Variants in PDE6A observed in about 807,000 individuals in gnomAD.
PDE6A encodes the protein rod cGMP-specific 3',5'-cyclic phosphodiesterase subunit alpha.
Under a neutral mutation model 106.3 loss-of-function variants are expected in PDE6A, and 84 were observed. That is an observed-to-expected ratio of 0.79 (90% CI 0.66 to 0.95). The LOEUF is 0.95. PDE6A is among the 40% of genes least tolerant of loss of function. The pLI, the probability that PDE6A is intolerant of heterozygous loss-of-function variation, is 0.00. For missense variants in PDE6A, 1,052 were observed against 1,084.9 expected, an observed-to-expected ratio of 0.97 and a Z score of 0.43; for synonymous variants, 394 against 386.6, an observed-to-expected ratio of 1.02 and a Z score of -0.23.
chr5:149,870,190 G>A (rs1760482053), intron 17 of PDE6A, among the ~76,000 whole-genome samples: 2 of 152,148 alleles, frequency 1.3e-5, no homozygotes, highest in Non-Finnish European at 2.9e-5. Context: ...TTGGGAGGCT[G>A]AGGTGAGGGG....
rs750763552 is a variant in PDE6A, at chr5:149,895,265, A to G, written c.1646T>C (p.Leu549Pro). ...GGTGATCTTGCGGTAGCCCTTACTC[A>G]GGGAGTACATGAACCGCACCAGGGC... is the stretch of plus-strand genomic sequence containing the variant. Reference protein sequence around the residue: ...QEALVRFMYSLSKGYRKITYH... With the variant: ...QEALVRFMYSPSKGYRKITYH... The change falls in exon 13 of 22, where the codon CTG becomes CCG. Residue 549 changes from leucine to proline, a missense_variant. By Grantham distance (98) the Leu-to-Pro change is moderately conservative. Transcript: ENST00000255266. 2 of 1,613,784 alleles carry G rather than the reference A, an allele frequency of 1.2e-6. No homozygotes were observed. The highest frequency in any genetic ancestry group is 1.7e-6 in the Non-Finnish European group (2 of 1,179,664).
chr5:149,900,401 G>GATATATATATATATATATATATATATATA (rs1752932187), intron 8 of PDE6A, among the ~76,000 whole-genome samples: 3 of 116,992 alleles, frequency 2.6e-5, no homozygotes, highest in Non-Finnish European at 3.5e-5. Context: ...ATATATATCC[G>GATATATATATATATATATATATATATATA]TTGGTTCATC....
In PDE6A at chr5:149,925,888, A is replaced by C. The variant is rs138622739; in HGVS notation, c.859-4179T>G. Among the ~76,000 whole-genome samples, 125 of 152,288 alleles carry C rather than the reference A, an allele frequency of 8.2e-4. 1 individual carries two copies. The highest frequency in any genetic ancestry group is 2.9e-3 in the African/African-American group (120 of 41,564). ...AGAGGTCTTTTCATTACCAGATATC[A>C]TGATATTTTATAAACATACTGAAAT... is the stretch of plus-strand genomic sequence containing the variant. On this transcript the variant is annotated intron_variant, in intron 4 of 21. Coordinates refer to ENST00000255266, the MANE Select transcript of PDE6A (RefSeq NM_000440.3).
intron 17 of PDE6A, among the ~76,000 whole-genome samples, chr5:149,872,009 A>G (rs1468781237): frequency 1.3e-5 from 2 of 152,234 alleles, no homozygotes; most frequent in African/African-American, 4.8e-5. Context: ...TAATGCAGAA[A>G]GAAGCAAGAG....
rs1754027844 is a variant in PDE6A at position 149,931,291 on chromosome 5, T to C, written c.718-123A>G. On this transcript the variant is annotated intron_variant, in intron 3 of 21. Coordinates refer to ENST00000255266, the MANE Select transcript of PDE6A (RefSeq NM_000440.3). ...TTATTTCATTTACCCTTCACAATAA[T>C]CCAGAGAAATAGACAGGTTAACTAT... The C allele has an allele frequency of 5.6e-6, 5 of 891,012 alleles. No individual in the cohort carries two copies. In the Admixed American group the frequency reaches 9.7e-5, roughly 17 times the overall value. 55.2% of individuals were successfully genotyped at this position (891,012 alleles called of 1,614,324 possible). A position where few individuals can be genotyped will look rare whatever the true frequency, so the allele number is the denominator to read the frequency against.
chr5:149,936,809 A>G (rs1418617134), intron 1 of PDE6A, among the ~76,000 whole-genome samples: 2 of 152,220 alleles, frequency 1.3e-5, no homozygotes, highest in Non-Finnish European at 2.9e-5. Flanking sequence ...GCACCAACTT[A>G]TATTTATTTT....
In PDE6A at chr5:149,883,478, C is replaced by G. The variant is rs1037192141; in HGVS notation, c.2086G>C (p.Glu696Gln). 1.9e-6 allele frequency: 3 copies of G among 1,613,904 alleles called. No individual in the cohort carries two copies. Among genetic ancestry groups the G allele is most frequent in the Non-Finnish European group, 2.5e-6 (3 of 1,179,838 alleles). Residue 696 changes from glutamate to glutamine, a missense_variant, in exon 17 of 22, where the codon GAG becomes CAG. Around this residue, in one of 3 missense-constraint regions of PDE6A, gnomAD observed 913 missense variants for 915.2 expected, o/e 1.00. Transcript: ENST00000255266. ...DQSKTYESEQ[E>Q]WTQYMMLEQT... is the part of the protein sequence containing the mutation. Reference sequence around the variant, plus strand: ...TCCAGCATCATGTACTGTGTCCACTCCTGTTCACTCTCATATGTCTTAGAC... The same window carrying G: ...TCCAGCATCATGTACTGTGTCCACTGCTGTTCACTCTCATATGTCTTAGAC...
At chr5:149,925,226 G>A (rs192115894) in intron 4 of PDE6A, among the ~76,000 whole-genome samples, 5 of 152,252 alleles carry the variant, frequency 3.3e-5, no homozygotes, top group African/African-American at 1.2e-4. Flanking sequence ...CATAGAAGAT[G>A]CCTATAAATA....
At chr5:149,873,332 C>CT (rs527562371) in intron 17 of PDE6A, among the ~76,000 whole-genome samples, 10,934 of 137,264 alleles carry the variant, frequency 0.08, 513 homozygotes, top group South Asian at 0.2. Flanking sequence ...ATGAGATACT[C>CT]TTTTTTTTTT....
At position 149,896,801 on chromosome 5, in the gene PDE6A, G is replaced by C. The variant is rs769074867; in HGVS notation, c.1408-25C>G. 27 of 1,609,562 alleles carry C rather than the reference G, an allele frequency of 1.7e-5. No homozygotes were observed. The Admixed American group carries it at 4.5e-4, about 27-fold the overall frequency. On this transcript the variant is annotated intron_variant, in intron 10 of 21. Coordinates refer to ENST00000255266, the MANE Select transcript of PDE6A (RefSeq NM_000440.3). ...TCTGCCAGGACCCAAAATGGCAGGG[G>C]AAAAAAAATAGGTTACAACATGCCT...
Position 149,868,127 on chromosome 5 carries a change from C to T in PDE6A, c.2167G>A (p.Ala723Thr). The change falls in exon 18 of 22, where the codon GCC becomes ACC. Residue 723 changes from alanine (A) to threonine (T), a missense_variant. Around this residue, in one of 3 missense-constraint regions of PDE6A, gnomAD observed 913 missense variants for 915.2 expected, o/e 1.00. Transcript: ENST00000255266. ...AMMMTACDLS[A>T]ITKPWEVQSQ... ...TGCACCTCCCAGGGTTTGGTGATGG[C>T]TGAGAGATCACAGGCGGTCATCATC... The T allele has an allele frequency of 6.2e-7, 1 of 1,614,164 alleles. No homozygotes were observed. Among genetic ancestry groups the T allele is most frequent in the East Asian group, 2.2e-5 (1 of 44,880 alleles).
intron 17 of PDE6A, among the ~76,000 whole-genome samples, chr5:149,869,188 G>T (rs1450908601): frequency 6.6e-6 from 1 of 152,104 alleles, no homozygotes; most frequent in Non-Finnish European, 1.5e-5. Flanking sequence ...AAATTAGCTG[G>T]GCATGATGGC....
chr5:149,886,480 G>C (rs1752310933), intron 13 of PDE6A, 106 bp from the exon 14 acceptor site: 1 of 804,470 alleles, frequency 1.2e-6, no homozygotes, highest in African/African-American at 1.7e-5. Context: ...AAACTCATGG[G>C]TCTGATCTTG....
chr5:149,944,256 T>C lies in PDE6A; in HGVS notation c.418A>G (p.Ile140Val). The C allele has an allele frequency of 1.2e-6, 2 of 1,613,978 alleles. No individual in the cohort carries two copies. The highest frequency in any genetic ancestry group is 2.2e-5 in the East Asian group (1 of 44,848). ...TTAGAGTGTGCGACATGGCCCACGATGCCCATGTCCAAAGGGAAGACGATC... is the reference window on the plus strand; with the variant it reads ...TTAGAGTGTGCGACATGGCCCACGACGCCCATGTCCAAAGGGAAGACGATC... ...QEIVFPLDMG[I>V]VGHVAHSKKI... is the part of the protein sequence containing the mutation. The change falls in exon 1 of 22, where the codon ATC (isoleucine) becomes GTC (valine). Residue 140 changes from isoleucine (I) to valine (V), a missense_variant. By Grantham distance (29) the Ile-to-Val change is conservative. Coordinates refer to ENST00000255266, the MANE Select transcript of PDE6A (RefSeq NM_000440.3).
At chr5:149,899,261 G>T in intron 9 of PDE6A, 114 bp downstream of exon 9, 1 of 991,652 alleles carries the variant, frequency 1.0e-6, no homozygotes, top group Non-Finnish European at 1.6e-6. Context: ...ATGAGGCAGA[G>T]TCAGGGTTAT....
chr5:149,931,725 T>C (rs1362295877), intron 3 of PDE6A, among the ~76,000 whole-genome samples: 10 of 152,214 alleles, frequency 6.6e-5, no homozygotes, highest in Middle Eastern at 3.2e-3. Flanking sequence ...TCACAGACAT[T>C]TTTCTAAATC....
At chr5:149,880,716 A>C (rs1437273277) in intron 17 of PDE6A, among the ~76,000 whole-genome samples, 2 of 152,030 alleles carry the variant, frequency 1.3e-5, no homozygotes, top group Non-Finnish European at 2.9e-5. Context: ...AAAAAAGAAA[A>C]GCACAAGCAA....
Position 149,944,521 on chromosome 5 carries a change from G to A in PDE6A, c.153C>T (p.Ser51=), listed in dbSNP as rs767832381. 1 of 1,614,122 alleles carries A rather than the reference G, an allele frequency of 6.2e-7. No individual in the cohort carries two copies. Among genetic ancestry groups the A allele is most frequent in the Non-Finnish European group, 8.5e-7 (1 of 1,180,020 alleles). Residue 51 remains serine (S), a synonymous_variant, in exon 1 of 22, where the codon TCC becomes TCT. Transcript: ENST00000255266. ...TTTCGCTCTCCTCCATGCTGCTCGG[G>A]GAGTGGTAGTTGCTGAAGTCCACGG... ...EAAVDFSNYH[S]PSSMEESEII... is the part of the protein sequence containing the mutation.
At position 149,944,368 on chromosome 5, in the gene PDE6A, G is replaced by T; in HGVS notation, c.306C>A (p.Arg102=). The T allele has an allele frequency of 6.2e-7, 1 of 1,614,158 alleles. No homozygotes were observed. The highest frequency in any genetic ancestry group is 8.5e-7 in the Non-Finnish European group (1 of 1,180,012). ...TGGTGGCCAGCTCTGCGATGCCATTGCGGGTCCGGTACATGAACAGGCTCA... is the reference window on the plus strand; with the variant it reads ...TGGTGGCCAGCTCTGCGATGCCATTTCGGGTCCGGTACATGAACAGGCTCA... ...DRMSLFMYRT[R]NGIAELATRL... Residue 102 remains arginine (R), a synonymous_variant, in exon 1 of 22, where the codon CGC becomes CGA. Coordinates refer to ENST00000255266, the MANE Select transcript of PDE6A (RefSeq NM_000440.3).
Sources: allele counts gnomAD v4.1 joint callset (sites outside exome capture counted in the v4.1 genomes callset), GRCh38; gene constraint gnomAD v4.1.1; regional missense constraint gnomAD v4.1.1; transcripts MANE v1.5; gene names NCBI Gene and HGNC (gene_info 2026-07-23, HGNC 2026-07-21).